SLC2A9: variants seen among roughly 807,000 people sequenced by gnomAD.
The protein encoded by SLC2A9 is solute carrier family 2 member 9, also known as solute carrier family 2, facilitated glucose transporter member 9.
A neutral mutation model predicts 50.6 loss-of-function variants in SLC2A9; 39 were observed. That is an observed-to-expected ratio of 0.77 (90% CI 0.60 to 1.01). The LOEUF (loss-of-function observed/expected upper bound fraction) is 1.01, where lower values mean the gene tolerates loss of function less well. Ranked by LOEUF, SLC2A9 falls within the 50% of genes least tolerant of loss-of-function variation. SLC2A9 has a pLI of 0.00. For missense variants in SLC2A9, 686 were observed against 677.6 expected, an observed-to-expected ratio of 1.01 and a Z score of -0.14; for synonymous variants, 324 against 276.9, an observed-to-expected ratio of 1.17 and a Z score of -1.69.
chr4:9,816,784 T>C (rs1052225742), intron 3 of SLC2A9, among the ~76,000 whole-genome samples: 4 of 151,936 alleles, frequency 2.6e-5, no homozygotes, highest in African/African-American at 7.3e-5. Flanking sequence ...AAGTTTTCTG[T>C]AAGTGTGAAA....
At chr4:10,002,090 G>C (rs1404143886) in intron 2 of SLC2A9, among the ~76,000 whole-genome samples, 1 of 152,226 alleles carries the variant, frequency 6.6e-6, no homozygotes, top group Non-Finnish European at 1.5e-5. Flanking sequence ...CAGCAGGGGA[G>C]CTGCAATGTC....
intron 6 of SLC2A9, among the ~76,000 whole-genome samples, chr4:9,928,797 T>C (rs1410764890): frequency 6.6e-6 from 1 of 152,134 alleles, no homozygotes; most frequent in Admixed American, 6.6e-5. Context: ...AAAGAAAAAC[T>C]TGCAAGCAGT....
chr4:9,782,269 C>T lies in SLC2A9; in HGVS notation n.386-2204G>A, dbSNP rs1014821510. ...GCGCCAACATGACCAACGTCTTCAT[C>T]GTGTCTCTGGCCGTGTCAGACCTTT... On this transcript the variant is annotated intron_variant and non_coding_transcript_variant, in intron 3 of 3. Transcript: ENST00000503803. 7.4e-6 allele frequency: 12 copies of T among 1,613,838 alleles called. No homozygotes were observed. The Admixed American group carries it at 1.5e-4, about 20-fold the overall frequency.
intron 9 of SLC2A9, among the ~76,000 whole-genome samples, chr4:9,889,071 T>G (rs569448944): frequency 6.6e-6 from 1 of 152,236 alleles, no homozygotes; most frequent in East Asian, 1.9e-4. Context: ...ACAGTGAAAG[T>G]CAATGGTATG....
chr4:10,030,565 T>C (rs1763910229), intron 1 of SLC2A9, among the ~76,000 whole-genome samples: 1 of 152,116 alleles, frequency 6.6e-6, no homozygotes, highest in Non-Finnish European at 1.5e-5. Flanking sequence ...GATAGGCCAT[T>C]CAAGTGTGTG....
downstream of SLC2A9, among the ~76,000 whole-genome samples, chr4:9,795,523 A>G (rs1365765348): frequency 6.6e-6 from 1 of 152,204 alleles, no homozygotes; most frequent in African/African-American, 2.4e-5. Context: ...ACTCAGTCTC[A>G]TAAGAGCCCC....
At chr4:9,771,360 C>T (rs777461146) in exon 2 of SLC2A9, 3 of 395,466 alleles carry the variant, frequency 7.6e-6, no homozygotes, top group Non-Finnish European at 8.9e-6. Context: ...GCCTTCTTGA[C>T]ATGAGGTCAC....
rs529979324 is a variant in SLC2A9, at chr4:9,956,159, G to A, written c.682-14114C>T. ...CTCCCAAAATGCTGGAATTACAGGC[G>A]TGATCCACCCAGTGAGCATCTGGAT... On this transcript the variant is annotated intron_variant, in intron 5 of 11. Transcript: ENST00000264784. Among the ~76,000 whole-genome samples the A allele has an allele frequency of 3.0e-4, 45 of 150,924 alleles. No homozygotes were observed. The South Asian group carries it at 7.7e-3, about 26-fold the overall frequency.
chr4:9,783,406 C>A (rs775206734), intron 3 of SLC2A9: 5 of 1,613,960 alleles, frequency 3.1e-6, no homozygotes, highest in Non-Finnish European at 4.2e-6. Flanking sequence ...AGCTGGACTG[C>A]GAGGGGGAGA....
intron 4 of SLC2A9, among the ~76,000 whole-genome samples, chr4:9,983,384 T>C (rs1756207879): frequency 6.6e-6 from 1 of 152,204 alleles, no homozygotes; most frequent in African/African-American, 2.4e-5. Flanking sequence ...CCAGCAAACG[T>C]GCATGCAAAG....
At chr4:9,805,538 G>C (rs986674049) in intron 3 of SLC2A9, among the ~76,000 whole-genome samples, 2 of 151,960 alleles carry the variant, frequency 1.3e-5, no homozygotes, top group Non-Finnish European at 2.9e-5. Flanking sequence ...ATCTCTACTA[G>C]AAATACAAAA....
intron 8 of SLC2A9, among the ~76,000 whole-genome samples, chr4:9,894,669 C>A (rs10939605): frequency 0.25 from 38,576 of 152,088 alleles, 5,078 homozygotes; most frequent in Non-Finnish European, 0.28. Context: ...GATGTCACAG[C>A]TTTTCTTGTG....
At chr4:9,802,559 C>CTTTTTTT (rs1238703528) in intron 3 of SLC2A9, among the ~76,000 whole-genome samples, 3 of 127,036 alleles carry the variant, frequency 2.4e-5, no homozygotes, top group African/African-American at 9.0e-5. Flanking sequence ...TTGTTCTTTT[C>CTTTTTTT]TTTTTTTTTT....
chr4:9,809,320 G>GGTCATGGGAATGTTAGTGTTGCTC (rs1722543419), intron 3 of SLC2A9, among the ~76,000 whole-genome samples: 3 of 152,156 alleles, frequency 2.0e-5, no homozygotes, highest in African/African-American at 7.2e-5. Context: ...GGTTGCTTGG[G>GGTCATGGGAATGTTAGTGTTGCTC]GTCATGGGAA....
chr4:9,778,675 C>T (rs530801412), downstream of SLC2A9, among the ~76,000 whole-genome samples: 35 of 152,316 alleles, frequency 2.3e-4, no homozygotes, highest in African/African-American at 7.9e-4. Flanking sequence ...TGTATCCATT[C>T]TCTATCACAA....
intron 3 of SLC2A9, among the ~76,000 whole-genome samples, chr4:9,810,195 T>C (rs1722696604): frequency 6.6e-6 from 1 of 152,162 alleles, no homozygotes; most frequent in Non-Finnish European, 1.5e-5. Flanking sequence ...TACCACCATA[T>C]GTCCAACACC....
upstream of SLC2A9, chr4:10,025,965 A>G (rs1025161373): frequency 6.2e-6 from 10 of 1,614,004 alleles, no homozygotes; most frequent in African/African-American, 1.3e-5. Flanking sequence ...ACTGAGCTTC[A>G]TGGTTCACTT....
chr4:10,030,604 G>A (rs1290578642), intron 1 of SLC2A9, among the ~76,000 whole-genome samples: 2 of 152,070 alleles, frequency 1.3e-5, no homozygotes, highest in South Asian at 2.1e-4. Context: ...GGAAATCTCT[G>A]TACCTTCCTC....
intron 2 of SLC2A9, among the ~76,000 whole-genome samples, chr4:10,001,347 G>A (rs895766257): frequency 9.8e-5 from 15 of 152,296 alleles, no homozygotes; most frequent in African/African-American, 3.6e-4. Flanking sequence ...AGGCACAGGA[G>A]GAAGATGATG....
Sources: allele counts gnomAD v4.1 joint callset (sites outside exome capture counted in the v4.1 genomes callset), GRCh38; gene constraint gnomAD v4.1.1; transcripts MANE v1.5; gene names NCBI Gene and HGNC (gene_info 2026-07-23, HGNC 2026-07-21).